The following RBFOX1 variants were observed in gnomAD, a reference collection of about 807,000 sequenced individuals.
RBFOX1 encodes RNA binding protein fox-1 homolog 1.
Under a neutral mutation model 57.7 loss-of-function variants are expected in RBFOX1, and 8 were observed. The observed-to-expected ratio is 0.14, with a 90% CI of 0.08 to 0.25. The LOEUF (loss-of-function observed/expected upper bound fraction) is 0.25. RBFOX1 is among the 10% of genes least tolerant of loss of function. The pLI, the probability that RBFOX1 is intolerant of heterozygous loss-of-function variation, is 1.00. For missense variants in RBFOX1, 611 were observed against 548.5 expected, an observed-to-expected ratio of 1.11 and a Z score of -1.14; for synonymous variants, 326 against 222.4, an observed-to-expected ratio of 1.47 and a Z score of -4.15.
intron 2 of RBFOX1, among the ~76,000 whole-genome samples, chr16:6,418,708 T>C (rs1382966084): frequency 4.0e-5 from 6 of 151,888 alleles, no homozygotes. Flanking sequence ...GTAAAATTTT[T>C]ATAGAGATGG....
chr16:7,378,076 A>T (rs1328154047), intron 4 of RBFOX1, among the ~76,000 whole-genome samples: 1 of 152,228 alleles, frequency 6.6e-6, no homozygotes, highest in Non-Finnish European at 1.5e-5. Flanking sequence ...GAGGATTCTA[A>T]TGGAGAAGTA....
chr16:6,725,721 G>A (rs1603463831), intron 3 of RBFOX1, among the ~76,000 whole-genome samples: 1 of 152,208 alleles, frequency 6.6e-6, no homozygotes, highest in Non-Finnish European at 1.5e-5. Context: ...TCTATATTCA[G>A]GGTAGATTTC....
At chr16:6,695,245 C>G (rs2060840839) in intron 3 of RBFOX1, among the ~76,000 whole-genome samples, 1 of 151,818 alleles carries the variant, frequency 6.6e-6, no homozygotes, top group Non-Finnish European at 1.5e-5. Flanking sequence ...CAGGGTGAAA[C>G]TCCGTCTCTA....
chr16:7,305,007 C>T (rs1463705187), intron 4 of RBFOX1, among the ~76,000 whole-genome samples: 3 of 147,648 alleles, frequency 2.0e-5, no homozygotes, highest in Non-Finnish European at 4.4e-5. Context: ...GGGATCGCAG[C>T]ATTTGAATTT....
At chr16:6,180,581 T>C (rs2097055164) in intron 1 of RBFOX1, among the ~76,000 whole-genome samples, 2 of 152,082 alleles carry the variant, frequency 1.3e-5, no homozygotes, top group African/African-American at 4.8e-5. Context: ...TTTTTTCTTT[T>C]TTGAGATGGA....
At chr16:5,527,295 T>C (rs2044284978) in intron 2 of RBFOX1, among the ~76,000 whole-genome samples, 2 of 152,160 alleles carry the variant, frequency 1.3e-5, no homozygotes, top group African/African-American at 4.8e-5. Context: ...AGGAAGCTGC[T>C]TGTACACAAG....
chr16:5,829,638 C>T (rs1395789022), intron 3 of RBFOX1, among the ~76,000 whole-genome samples: 2 of 152,044 alleles, frequency 1.3e-5, no homozygotes, highest in African/African-American at 4.8e-5. Flanking sequence ...TGCTCATGAT[C>T]TCCCATGGGC....
chr16:7,228,400 G>T (rs1002662469), intron 4 of RBFOX1, among the ~76,000 whole-genome samples: 2 of 152,096 alleles, frequency 1.3e-5, no homozygotes, highest in Non-Finnish European at 2.9e-5. Flanking sequence ...ACTAAGATTT[G>T]CTTAATGAAA....
intron 1 of RBFOX1, among the ~76,000 whole-genome samples, chr16:5,378,654 C>T (rs1242429036): frequency 1.3e-5 from 2 of 151,468 alleles, no homozygotes; most frequent in African/African-American, 4.9e-5. Flanking sequence ...TGGTTGGTCA[C>T]ACTGCTGGAG....
chr16:6,839,072 C>T (rs961174374), intron 3 of RBFOX1, among the ~76,000 whole-genome samples: 4 of 151,876 alleles, frequency 2.6e-5, no homozygotes, highest in Non-Finnish European at 4.4e-5. Context: ...GTAACCTCTG[C>T]CTCCTGGGTT....
chr16:6,923,831 G>A (rs2075005788), intron 3 of RBFOX1, among the ~76,000 whole-genome samples: 2 of 152,098 alleles, frequency 1.3e-5, no homozygotes, highest in South Asian at 2.1e-4. Context: ...TCAGGCAAGT[G>A]ACTGAACCTC....
chr16:6,222,914 T>C (rs2097386019), intron 1 of RBFOX1, among the ~76,000 whole-genome samples: 1 of 151,874 alleles, frequency 6.6e-6, no homozygotes, highest in Admixed American at 6.6e-5. Context: ...TGTGTTCTCA[T>C]TGTTCAATTC....
intron 2 of RBFOX1, among the ~76,000 whole-genome samples, chr16:5,523,240 C>T (rs545948416): frequency 7.3e-5 from 11 of 151,488 alleles, no homozygotes; most frequent in African/African-American, 1.2e-4. Context: ...GAGCCGAGAT[C>T]GCGCCATGGC....
At chr16:5,479,340 ATT>A (rs2069440649) in intron 2 of RBFOX1, among the ~76,000 whole-genome samples, 1 of 152,148 alleles carries the variant, frequency 6.6e-6, no homozygotes, top group East Asian at 1.9e-4. Flanking sequence ...AAGTCAGGTG[ATT>A]TGCCTGAGGC....
chr16:6,949,495 C>G (rs554892065), intron 3 of RBFOX1, among the ~76,000 whole-genome samples: 113 of 152,294 alleles, frequency 7.4e-4, no homozygotes, highest in Non-Finnish European at 1.3e-3. Flanking sequence ...AATCTAAAGC[C>G]AGAGCATTGG....
chr16:7,189,165 C>A (rs1327100648), intron 4 of RBFOX1, among the ~76,000 whole-genome samples: 1 of 151,896 alleles, frequency 6.6e-6, no homozygotes, highest in Non-Finnish European at 1.5e-5. Context: ...GTGGCTCATG[C>A]CTGTAATCCC....
At chr16:7,460,246 C>T (rs185068041) in intron 4 of RBFOX1, among the ~76,000 whole-genome samples, 112 of 151,332 alleles carry the variant, frequency 7.4e-4, no homozygotes, top group Middle Eastern at 3.4e-3. Flanking sequence ...AGAAGAAGAA[C>T]AAAAAATATC....
intron 2 of RBFOX1, among the ~76,000 whole-genome samples, chr16:6,428,845 C>T (rs554430162): frequency 6.6e-6 from 1 of 152,220 alleles, no homozygotes; most frequent in Non-Finnish European, 1.5e-5. Flanking sequence ...TAATTCAACA[C>T]ACAAACGAGG....
At chr16:6,898,284 G>A (rs549534266) in intron 3 of RBFOX1, among the ~76,000 whole-genome samples, 12 of 151,998 alleles carry the variant, frequency 7.9e-5, no homozygotes, top group Non-Finnish European at 1.6e-4. Flanking sequence ...GCTGCCATCT[G>A]ACCCCTGCCC....
Sources: allele counts gnomAD v4.1 joint callset (sites outside exome capture counted in the v4.1 genomes callset), GRCh38; gene constraint gnomAD v4.1.1; transcripts MANE v1.5; gene names NCBI Gene and HGNC (gene_info 2026-07-23, HGNC 2026-07-21).